Variants in NBPF12 observed in about 807,000 individuals in gnomAD.
NBPF12 encodes NBPF member 12.
In NBPF12, 115 loss-of-function variants were observed where a neutral mutation model predicts 146.4. The observed-to-expected ratio is 0.79, with a 90% CI of 0.68 to 0.92. The LOEUF (loss-of-function observed/expected upper bound fraction) is 0.92, where lower values mean the gene tolerates loss of function less well. Among genes scored for constraint, NBPF12 ranks in the 40% least tolerant of loss-of-function variants. NBPF12 has a pLI of 0.00. For synonymous variants in NBPF12, 385 were observed against 508.9 expected (o/e 0.76, Z 3.28); for missense variants, 1,205 against 1,326.8 (o/e 0.91, Z 1.43).
At position 146,971,131 on chromosome 1, in the gene NBPF12, C is replaced by T. The variant is rs1409104076; in HGVS notation, c.1380-52C>T. On this transcript the variant is annotated intron_variant, in intron 12 of 33. Coordinates refer to ENST00000617844, the Ensembl canonical transcript of NBPF12. Reference sequence around the variant, plus strand: ...AAACCAGCTAGGACTCCTTGGGGTCCAATCCCTCTGTGTTTAATCTTCTGT... The same window carrying T: ...AAACCAGCTAGGACTCCTTGGGGTCTAATCCCTCTGTGTTTAATCTTCTGT... 78 of 1,609,058 alleles carry T rather than the reference C, an allele frequency of 4.8e-5. 2 individuals are homozygous for T. In the South Asian group the frequency reaches 7.3e-4, roughly 15 times the overall value.
chr1:146,948,721 C>T (rs1440122301), upstream of NBPF12, among the ~76,000 whole-genome samples: 37 of 151,722 alleles, frequency 2.4e-4, no homozygotes, highest in East Asian at 7.8e-4. Context: ...TCCCCCAGCC[C>T]GACACCCGTA....
At chr1:146,972,888 T>G (rs1656745786) in exon 14 of NBPF12, 1 of 1,082,698 alleles carries the variant, frequency 9.2e-7, no homozygotes, top group Admixed American at 1.7e-5. Flanking sequence ...GAAACAGCAG[T>G]TCAGAAGCCT....
intron 1 of NBPF12, among the ~76,000 whole-genome samples, chr1:146,939,466 C>T (rs1407267458): frequency 6.6e-6 from 1 of 151,936 alleles, no homozygotes; most frequent in Non-Finnish European, 1.5e-5. Flanking sequence ...GTCCAGGATG[C>T]ATGTGAGGAG....
At chr1:146,964,450 G>A (rs1656061252) in intron 7 of NBPF12, 21 bp downstream of exon 10, 2 of 1,597,434 alleles carry the variant, frequency 1.3e-6, no homozygotes, top group Non-Finnish European at 1.7e-6. Context: ...ATACTCAGGA[G>A]CAAGTAATGG....
chr1:146,964,194 G>C (rs1323470940), intron 6 of NBPF12, among the ~76,000 whole-genome samples, 163 bp from the exon 10 acceptor site: 1 of 150,082 alleles, frequency 6.7e-6, no homozygotes, highest in Admixed American at 6.6e-5. Flanking sequence ...TTGCCTGATG[G>C]ACCAGGAAAC....
upstream of NBPF12, among the ~76,000 whole-genome samples, chr1:146,938,533 G>C (rs1454203716): frequency 5.3e-5 from 8 of 152,124 alleles, 1 homozygote; most frequent in African/African-American, 1.9e-4. Context: ...TCCCCGCTGC[G>C]CTCCGTCCTC....
At chr1:146,965,556 G>T (rs1160828215) in intron 8 of NBPF12, among the ~76,000 whole-genome samples, 2 of 150,346 alleles carry the variant, frequency 1.3e-5, no homozygotes, top group Non-Finnish European at 2.9e-5. Flanking sequence ...GCCGAGGCGG[G>T]TGGATCACGA....
chr1:146,980,357 A>G (rs1362647128), intron 19 of NBPF12, among the ~76,000 whole-genome samples: 6 of 152,030 alleles, frequency 3.9e-5, no homozygotes, highest in Non-Finnish European at 8.8e-5. Flanking sequence ...TCCTGTCGTT[A>G]TGATGTTTGC....
chr1:146,964,481 C>G lies in NBPF12; in HGVS notation c.566+52C>G, dbSNP rs1656063592. ...AATGGGTGGTAACATATGAAAATGT[C>G]TAGAAGGCACACCCTCTCTGGCATC... On this transcript the variant is annotated intron_variant, in intron 7 of 33. Transcript: ENST00000617844. The G allele has an allele frequency of 6.3e-6, 10 of 1,591,286 alleles. No individual in the cohort carries two copies. In the South Asian group the frequency reaches 8.8e-5, roughly 14 times the overall value.
At chr1:146,982,553 G>C (rs1657460817) in intron 19 of NBPF12, among the ~76,000 whole-genome samples, 1 of 152,008 alleles carries the variant, frequency 6.6e-6, no homozygotes, top group Non-Finnish European at 1.5e-5. Context: ...ATCTGTGTCT[G>C]CATTGGGTCA....
exon 34 of NBPF12, chr1:146,994,501 G>T (rs782088413): frequency 3.7e-6 from 6 of 1,609,208 alleles, no homozygotes; most frequent in African/African-American, 2.7e-5. Context: ...CCTTGACATG[G>T]ACAATAGCTT....
intron 5 of NBPF12, 49 bp from the exon 9 acceptor site, chr1:146,963,045 GA>G: frequency 4.4e-6 from 7 of 1,608,876 alleles, no homozygotes; most frequent in Non-Finnish European, 5.9e-6. Context: ...TATTTGAACG[GA>G]TCACTCAACG....
intron 2 of NBPF12, among the ~76,000 whole-genome samples, chr1:146,954,964 T>A (rs1655509549): frequency 1.2e-5 from 1 of 82,594 alleles, no homozygotes; most frequent in Non-Finnish European, 2.3e-5. Flanking sequence ...CATCTCCAAA[T>A]AGGGAATATA....
intron 18 of NBPF12, among the ~76,000 whole-genome samples, chr1:146,977,935 C>T (rs1249317115): frequency 1.3e-4 from 20 of 152,014 alleles, no homozygotes; most frequent in Non-Finnish European, 2.2e-4. Context: ...ATCTGTCAGG[C>T]CTCCTAACTT....
chr1:146,946,973 G>T (rs2101815962), upstream of NBPF12, among the ~76,000 whole-genome samples: 1 of 152,114 alleles, frequency 6.6e-6, no homozygotes, highest in South Asian at 2.1e-4. Flanking sequence ...CTCCATGGAA[G>T]ATCAGTGGAC....
intron 2 of NBPF12, among the ~76,000 whole-genome samples, chr1:146,955,850 CTCGTT>C (rs1655560862): frequency 9.9e-5 from 15 of 151,420 alleles, no homozygotes; most frequent in African/African-American, 3.7e-4. Context: ...CCCAGTAAAA[CTCGTT>C]TAATACTAAA....
rs1436250158 is a variant in NBPF12 at position 146,984,809 on chromosome 1, C to G, written c.2667-4C>G. On this transcript the variant is annotated splice_polypyrimidine_tract_variant and splice_region_variant and intron_variant, in intron 21 of 33. Coordinates refer to ENST00000617844, the Ensembl canonical transcript of NBPF12. ...TTATTCTTTACTTTTTCCCACTTTT[C>G]CAGGCTCAGCAGGGAGCTGCTGGCT... is the stretch of plus-strand genomic sequence containing the variant. 8 of 1,463,602 alleles carry G rather than the reference C, an allele frequency of 5.5e-6. No individual in the cohort carries two copies. Among genetic ancestry groups the G allele is most frequent in the East Asian group, 2.3e-5 (1 of 44,222 alleles). 90.7% of individuals were successfully genotyped at this position (1,463,602 alleles called of 1,614,324 possible). A position where few individuals can be genotyped will look rare whatever the true frequency, so the allele number is the denominator to read the frequency against.
chr1:146,986,112 C>T (rs1343060183), intron 23 of NBPF12, among the ~76,000 whole-genome samples: 2 of 151,882 alleles, frequency 1.3e-5, no homozygotes, highest in South Asian at 2.1e-4. Flanking sequence ...GTGTGTCACC[C>T]GGCCAATTCG....
intron 4 of NBPF12, among the ~76,000 whole-genome samples, chr1:146,961,883 A>G (rs1655873418): frequency 6.6e-6 from 1 of 152,100 alleles, no homozygotes; most frequent in African/African-American, 2.4e-5. Flanking sequence ...GTCAGACCTC[A>G]GGGGCTGTGA....
Sources: gnomAD v4.1 joint callset for allele counts (sites outside exome capture counted in the v4.1 genomes callset) on GRCh38, gnomAD v4.1.1 for gene constraint, MANE v1.5 for transcripts, NCBI Gene and HGNC (gene_info 2026-07-23, HGNC 2026-07-21) for gene names.